TMEM179B: variants seen among roughly 807,000 people sequenced by gnomAD.
TMEM179B encodes the protein transmembrane protein 179B.
Under a neutral mutation model 18.0 loss-of-function variants are expected in TMEM179B, and 13 were observed. The observed-to-expected ratio is 0.72, with a 90% confidence interval of 0.47 to 1.15. The LOEUF (loss-of-function observed/expected upper bound fraction) is 1.15. Ranked by LOEUF, TMEM179B falls within the 50% of genes most tolerant of loss-of-function variation. The pLI is 0.00. For synonymous variants in TMEM179B, 159 were observed against 117.5 expected (o/e 1.35, Z -2.29); for missense variants, 320 against 270.6 (o/e 1.18, Z -1.28).
rs370527683 is a variant in TMEM179B at position 62,789,044 on chromosome 11, C to A, written c.118C>A (p.Pro40Thr). The part of the protein sequence containing the change: ...RTQGSFSGRC[P>T]LYGVATLNGS... ...ACAGGGCTCCTTCAGTGGTAGATGT[C>A]CCCTGTATGGTGTGGCCACCCTGAA... Residue 40 changes from proline to threonine, a missense_variant, in exon 2 of 5, where the codon CCC (proline) becomes ACC (threonine). By Grantham distance (38) the Pro-to-Thr change is conservative. Transcript: ENST00000333449. The A allele has an allele frequency of 6.2e-7, 1 of 1,613,878 alleles. No homozygotes were observed. The highest frequency in any genetic ancestry group is 8.5e-7 in the Non-Finnish European group (1 of 1,179,920).
Position 62,789,643 on chromosome 11 carries a change from T to G in TMEM179B, c.462T>G (p.Thr154=). ...AQKIPWTPPG[T]ALQFYSNLHN... Reference sequence around the variant, plus strand: ...AAATTCCATGGACACCCCCTGGAACTGCTCTGCAGTTTTACTCCAACCTAC... The same window carrying G: ...AAATTCCATGGACACCCCCTGGAACGGCTCTGCAGTTTTACTCCAACCTAC... The change falls in exon 4 of 5, where the codon ACT becomes ACG. Residue 154 remains threonine (T), a synonymous_variant. Coordinates refer to ENST00000333449, the MANE Select transcript of TMEM179B (RefSeq NM_199337.3). 6.5e-7 allele frequency: 1 copy of G among 1,549,638 alleles called. No individual in the cohort carries two copies. Among genetic ancestry groups the G allele is most frequent in the Non-Finnish European group, 8.7e-7 (1 of 1,152,376 alleles).
chr11:62,787,638 G>T, intron 1 of TMEM179B, 111 bp downstream of exon 1: 2 of 1,336,662 alleles, frequency 1.5e-6, no homozygotes, highest in Non-Finnish European at 2.0e-6. Context: ...CGGTGGACCT[G>T]GTGAGGCACG....
In TMEM179B at chr11:62,787,820, T is replaced by G. The variant is rs567004698; in HGVS notation, c.96+293T>G. Reference sequence around the variant, plus strand: ...TCCTGCTGCACAGCCTTACTGTGGTTCCGAAACAGAAGTCAGTGCAGAACC... The same window carrying G: ...TCCTGCTGCACAGCCTTACTGTGGTGCCGAAACAGAAGTCAGTGCAGAACC... On this transcript the variant is annotated intron_variant, in intron 1 of 4. Transcript: ENST00000333449. 155 of 667,910 alleles carry G rather than the reference T, an allele frequency of 2.3e-4. 1 individual carries two copies. In the African/African-American group the frequency reaches 2.4e-3, roughly 10 times the overall value. The allele number at this position is 667,910 out of a possible 1,614,324, so 41.4% of individuals were successfully genotyped here. A position where few individuals can be genotyped will look rare whatever the true frequency, so the allele number is the denominator to read the frequency against.
rs1590941762 is a variant in TMEM179B, at chr11:62,787,645, C to T, written c.96+118C>T. ...CTCGGAGCCGGTGGACCTGGTGAGG[C>T]ACGGCTGGCGCCGGCCTGTACCTGA... On this transcript the variant is annotated intron_variant, in intron 1 of 4. Transcript: ENST00000333449. 4 of 1,304,890 alleles carry T rather than the reference C, an allele frequency of 3.1e-6. No homozygotes were observed. In the South Asian group the frequency reaches 4.6e-5, roughly 15 times the overall value. The allele number at this position is 1,304,890 out of a possible 1,614,324, so 80.8% of individuals were successfully genotyped here.
At position 62,789,601 on chromosome 11, in the gene TMEM179B, C is replaced by G. The variant is rs750653812; in HGVS notation, c.420C>G (p.Ser140Arg). The change falls in exon 4 of 5, where the codon AGC becomes AGG. Residue 140 changes from serine to arginine, a missense_variant and splice_region_variant. Transcript: ENST00000333449. ...CACAACTGTCTCTTTGACCTCACAG[C>G]TGTTCTGAAGCCCAGAAAATTCCAT... ...NSIISLNTTISCSEAQKIPWT... is the reference protein window; with the variant it reads ...NSIISLNTTIRCSEAQKIPWT... 6.5e-7 allele frequency: 1 copy of G among 1,549,924 alleles called. No homozygotes were observed. Among genetic ancestry groups the G allele is most frequent in the Admixed American group, 2.0e-5 (1 of 49,956 alleles).
chr11:62,790,125 A>C lies in TMEM179B; in HGVS notation c.*78A>C. 7.4e-6 allele frequency: 4 copies of C among 542,890 alleles called. No individual in the cohort carries two copies. The highest frequency in any genetic ancestry group is 5.8e-5 in the East Asian group (1 of 17,364). 33.6% of individuals were successfully genotyped at this position (542,890 alleles called of 1,614,324 possible). A position where few individuals can be genotyped will look rare whatever the true frequency, so the allele number is the denominator to read the frequency against. ...AATCCCCCCCCTCAAGGCCCTGTTT[A>C]TGTTGGGAGTCTTAGTTTTCCTTTC... On this transcript the variant is annotated 3_prime_UTR_variant, in exon 5 of 5. Transcript: ENST00000333449.
chr11:62,787,493 G>C lies in TMEM179B; in HGVS notation c.62G>C (p.Gly21Ala). The change falls in exon 1 of 5, where the codon GGG becomes GCG. Residue 21 changes from glycine (G) to alanine (A), a missense_variant. Coordinates refer to ENST00000333449, the MANE Select transcript of TMEM179B (RefSeq NM_199337.3). The part of the protein sequence containing the change: ...LALFAAAFLC[G>A]AVAAAAMTRT... ...CTCTTTGCTGCCGCCTTCCTGTGCG[G>C]GGCCGTGGCGGCCGCGGCGATGACT... 1.3e-6 allele frequency: 2 copies of C among 1,579,390 alleles called. No homozygotes were observed. The highest frequency in any genetic ancestry group is 1.7e-6 in the Non-Finnish European group (2 of 1,170,688).
intron 1 of TMEM179B, among the ~76,000 whole-genome samples, chr11:62,788,772 TTG>T (rs1350763037): frequency 6.6e-6 from 1 of 152,002 alleles, no homozygotes; most frequent in African/African-American, 2.4e-5. Flanking sequence ...AGACCATAAC[TTG>T]TGAGGCTTCT....
chr11:62,787,676 A>AT, intron 1 of TMEM179B, 149 bp downstream of exon 1: 1 of 1,065,564 alleles, frequency 9.4e-7, no homozygotes, highest in South Asian at 1.7e-5. Flanking sequence ...CCTGAAATGC[A>AT]GCGAGGCTAA....
chr11:62,790,324 G>C lies in TMEM179B; in HGVS notation c.*277G>C, dbSNP rs1028735749. 5.5e-6 allele frequency: 3 copies of C among 541,466 alleles called. No homozygotes were observed. The highest frequency in any genetic ancestry group is 6.4e-6 in the Non-Finnish European group (2 of 311,894). 33.5% of individuals were successfully genotyped at this position (541,466 alleles called of 1,614,324 possible). A position where few individuals can be genotyped will look rare whatever the true frequency, so the allele number is the denominator to read the frequency against. On this transcript the variant is annotated 3_prime_UTR_variant, in exon 5 of 5. Coordinates refer to ENST00000333449, the MANE Select transcript of TMEM179B (RefSeq NM_199337.3). ...CTAAGCAGACATGGACTGAAACTTA[G>C]AGGTACTGTTAGGCAGCTGCCCTAG... is the stretch of plus-strand genomic sequence containing the variant.
chr11:62,787,527 G>A lies in TMEM179B; in HGVS notation c.96G>A (p.Gln32=). ...AVAAAAMTRT[Q]GSFSGRCPLY... ...CGGCCGCGGCGATGACTCGGACCCA[G>A]GTGCGGCTGCGGGGCGGGGTCAGGT... The change falls in exon 1 of 5, where the codon CAG becomes CAA. Residue 32 remains glutamine (Q), a splice_region_variant and synonymous_variant. Transcript: ENST00000333449. 6.4e-7 allele frequency: 1 copy of A among 1,566,316 alleles called. No homozygotes were observed. The highest frequency in any genetic ancestry group is 8.6e-7 in the Non-Finnish European group (1 of 1,165,442).
rs1348543053 is a variant in TMEM179B, at chr11:62,789,663, A to T, written c.482A>T (p.Asn161Ile). ...PPGTALQFYS[N>I]LHNAETSSWV... ...GGAACTGCTCTGCAGTTTTACTCCA[A>T]CCTACACAATGCTGAAGTGAGACCC... Residue 161 changes from asparagine to isoleucine, a missense_variant, in exon 4 of 5, where the codon AAC (asparagine) becomes ATC (isoleucine). Asn to Ile is a moderately radical substitution (Grantham distance 149). Coordinates refer to ENST00000333449, the MANE Select transcript of TMEM179B (RefSeq NM_199337.3). 2 of 1,547,912 alleles carry T rather than the reference A, an allele frequency of 1.3e-6. No individual in the cohort carries two copies. The highest frequency in any genetic ancestry group is 1.7e-6 in the Non-Finnish European group (2 of 1,151,848).
Position 62,789,935 on chromosome 11 carries a change from AG to A in TMEM179B, c.550del (p.Val184SerfsTer39). ...LVLWCVVLVL[Q>X]VVQWKSEATP... ...TTGTGGTGTGTGGTCTTGGTGCTCC[AG>A]GTCGTGCAGTGGAAGTCTGAAGCCA... is the stretch of plus-strand genomic sequence containing the variant. On this transcript the variant is annotated frameshift_variant, in exon 5 of 5. Transcript: ENST00000333449. LOFTEE classifies it low-confidence loss of function (END_TRUNC). 1 of 1,614,072 alleles carries A rather than the reference AG, an allele frequency of 6.2e-7. No individual in the cohort carries two copies. Among genetic ancestry groups the A allele is most frequent in the Non-Finnish European group, 8.5e-7 (1 of 1,180,000 alleles).
In TMEM179B at chr11:62,790,392, C is replaced by T; in HGVS notation, c.*345C>T. ...TTTGTTGTTAATGAATCTTGACCTC[C>T]TTGTGTGACCCTGGTTGTTACTCCA... On this transcript the variant is annotated 3_prime_UTR_variant, in exon 5 of 5. Transcript: ENST00000333449. 1.8e-6 allele frequency: 1 copy of T among 563,598 alleles called. No individual in the cohort carries two copies. Among genetic ancestry groups the T allele is most frequent in the East Asian group, 3.0e-5 (1 of 33,572 alleles). The allele number at this position is 563,598 out of a possible 1,614,324, so 34.9% of individuals were successfully genotyped here.
At chr11:62,788,138 C>T (rs868362026) in intron 1 of TMEM179B, among the ~76,000 whole-genome samples, 2 of 152,258 alleles carry the variant, frequency 1.3e-5, no homozygotes, top group Non-Finnish European at 2.9e-5. Flanking sequence ...CGCGGTGACT[C>T]ACGCCTGTAA....
chr11:62,787,504 G>C lies in TMEM179B; in HGVS notation c.73G>C (p.Ala25Pro). The change falls in exon 1 of 5, where the codon GCC (alanine) becomes CCC (proline). Residue 25 changes from alanine (A) to proline (P), a missense_variant. Transcript: ENST00000333449. ...CGCCTTCCTGTGCGGGGCCGTGGCGGCCGCGGCGATGACTCGGACCCAGGT... is the reference window on the plus strand; with the variant it reads ...CGCCTTCCTGTGCGGGGCCGTGGCGCCCGCGGCGATGACTCGGACCCAGGT... Reference protein sequence around the residue: ...AAAFLCGAVAAAAMTRTQGSF... With the variant: ...AAAFLCGAVAPAAMTRTQGSF... The C allele has an allele frequency of 1.3e-6, 2 of 1,577,632 alleles. No individual in the cohort carries two copies. The highest frequency in any genetic ancestry group is 1.7e-6 in the Non-Finnish European group (2 of 1,169,946).
rs556313837 is a variant in TMEM179B, at chr11:62,790,217, C to A, written c.*170C>A. 4.2e-6 allele frequency: 3 copies of A among 718,834 alleles called. No homozygotes were observed. The highest frequency in any genetic ancestry group is 2.8e-5 in the East Asian group (1 of 35,182). The allele number at this position is 718,834 out of a possible 1,614,324, so 44.5% of individuals were successfully genotyped here. A position where few individuals can be genotyped will look rare whatever the true frequency, so the allele number is the denominator to read the frequency against. On this transcript the variant is annotated 3_prime_UTR_variant, in exon 5 of 5. Transcript: ENST00000333449. ...ACCTCTTCCTGCAGCTGTTTTTGTACCAAAATATTATATTACTGTCTTCAT... is the reference window on the plus strand; with the variant it reads ...ACCTCTTCCTGCAGCTGTTTTTGTAACAAAATATTATATTACTGTCTTCAT...
chr11:62,789,700 G>GA (rs752407950), intron 4 of TMEM179B, 21 bp downstream of exon 4: 1 of 1,530,012 alleles, frequency 6.5e-7, no homozygotes, highest in African/African-American at 1.4e-5. Context: ...AGGATAGGAG[G>GA]AAAAACTGAC....
At position 62,789,948 on chromosome 11, in the gene TMEM179B, G is replaced by C. The variant is rs184570054; in HGVS notation, c.561G>C (p.Trp187Cys). 6.2e-7 allele frequency: 1 copy of C among 1,613,974 alleles called. No homozygotes were observed. Among genetic ancestry groups the C allele is most frequent in the African/African-American group, 1.3e-5 (1 of 74,876 alleles). ...CVVLVLQVVQ[W>C]KSEATPYRPL... The stretch of plus-strand genomic sequence containing the variant: ...TCTTGGTGCTCCAGGTCGTGCAGTG[G>C]AAGTCTGAAGCCACCCCATACCGGC... Residue 187 changes from tryptophan (W) to cysteine (C), a missense_variant, in exon 5 of 5, where the codon TGG becomes TGC. Coordinates refer to ENST00000333449, the MANE Select transcript of TMEM179B (RefSeq NM_199337.3).
Sources: gnomAD v4.1 joint callset for allele counts (sites outside exome capture counted in the v4.1 genomes callset) on GRCh38, gnomAD v4.1.1 for gene constraint, MANE v1.5 for transcripts, NCBI Gene and HGNC (gene_info 2026-07-23, HGNC 2026-07-21) for gene names.